The following OPCML variants were observed in gnomAD, a reference collection of about 807,000 sequenced individuals.
The protein encoded by OPCML is opioid binding protein/cell adhesion molecule like, also known as opioid-binding protein/cell adhesion molecule.
A neutral mutation model predicts 37.8 loss-of-function variants in OPCML; 13 were observed. The observed-to-expected ratio is 0.34, with a 90% CI of 0.22 to 0.55. The LOEUF (loss-of-function observed/expected upper bound fraction) is 0.55. Ranked by LOEUF, OPCML falls within the 20% of genes least tolerant of loss-of-function variation. OPCML has a pLI of 0.91. For missense variants in OPCML, 341 were observed against 435.6 expected (o/e 0.78, Z 1.93); for synonymous variants, 176 against 168.8 (o/e 1.04, Z -0.33).
At chr11:133,009,148 T>C in intron 1 of OPCML, 1 of 985,324 alleles carries the variant, frequency 1.0e-6, no homozygotes, top group Non-Finnish European at 1.2e-6. Context: ...TAGATTAGGA[T>C]TTATTTACTC....
At chr11:132,497,175 G>A (rs1236556720) in intron 4 of OPCML, among the ~76,000 whole-genome samples, 1 of 152,124 alleles carries the variant, frequency 6.6e-6, no homozygotes, top group Non-Finnish European at 1.5e-5. Context: ...TCACTTATAA[G>A]TGGGGGCTGA....
At chr11:133,164,431 A>C (rs7120475) in intron 1 of OPCML, among the ~76,000 whole-genome samples, 2,720 of 152,332 alleles carry the variant, frequency 0.018, 86 homozygotes, top group African/African-American at 0.062. Context: ...GCACCTTGTC[A>C]GTGCTTTGAA....
chr11:133,006,897 G>C (rs1591904449), intron 1 of OPCML: 2 of 985,454 alleles, frequency 2.0e-6, no homozygotes, highest in Non-Finnish European at 2.4e-6. Flanking sequence ...ACCTGTCATG[G>C]GGCCACCTAG....
chr11:133,115,417 G>C (rs906860406), intron 1 of OPCML, among the ~76,000 whole-genome samples: 14 of 152,172 alleles, frequency 9.2e-5, no homozygotes, highest in African/African-American at 3.4e-4. Context: ...GATCTCCCCG[G>C]AGTAGATTCA....
At chr11:132,627,775 G>A (rs1939836749) in intron 3 of OPCML, among the ~76,000 whole-genome samples, 1 of 152,148 alleles carries the variant, frequency 6.6e-6, no homozygotes, top group African/African-American at 2.4e-5. Flanking sequence ...TGCCCTCAGG[G>A]AGCATCCAAG....
At chr11:132,723,284 T>A (rs996895217) in intron 2 of OPCML, among the ~76,000 whole-genome samples, 1 of 152,254 alleles carries the variant, frequency 6.6e-6, no homozygotes, top group African/African-American at 2.4e-5. Flanking sequence ...TAAGCATTCA[T>A]ATGGTGTGTT....
At chr11:132,813,515 C>T (rs538649410) in intron 2 of OPCML, among the ~76,000 whole-genome samples, 14 of 152,280 alleles carry the variant, frequency 9.2e-5, no homozygotes, top group East Asian at 5.8e-4. Flanking sequence ...ATCAGCACCA[C>T]GGTGCCACAG....
chr11:132,648,495 C>G (rs1445156300), intron 3 of OPCML, among the ~76,000 whole-genome samples: 2 of 151,936 alleles, frequency 1.3e-5, no homozygotes, highest in African/African-American at 2.4e-5. Flanking sequence ...CAGATGACAG[C>G]CCCAGGCCCT....
At chr11:133,064,329 C>G (rs576781701) in intron 1 of OPCML, among the ~76,000 whole-genome samples, 1 of 152,344 alleles carries the variant, frequency 6.6e-6, no homozygotes, top group African/African-American at 2.4e-5. Context: ...CCCCTGGTAC[C>G]GCAACCCGCC....
chr11:133,157,594 C>G (rs1950080404), intron 1 of OPCML, among the ~76,000 whole-genome samples: 1 of 152,198 alleles, frequency 6.6e-6, no homozygotes, highest in African/African-American at 2.4e-5. Flanking sequence ...GCCACCCCAT[C>G]TCCTTGGTTA....
intron 1 of OPCML, chr11:133,531,998 C>T (rs1948616003): frequency 6.0e-6 from 1 of 166,446 alleles, no homozygotes; most frequent in Non-Finnish European, 1.2e-5. Flanking sequence ...ACAGCAGTGC[C>T]TCACAGCATG....
chr11:133,059,327 C>G (rs1190542548), intron 1 of OPCML, among the ~76,000 whole-genome samples: 1 of 152,204 alleles, frequency 6.6e-6, no homozygotes, highest in African/African-American at 2.4e-5. Flanking sequence ...CCACAAATCT[C>G]TAAGACTGCC....
rs946471996 is a variant in OPCML at position 133,206,610 on chromosome 11, C to CAA, written c.62-263602_62-263601dup. Among the ~76,000 whole-genome samples the CAA allele has an allele frequency of 5.9e-5, 9 of 152,108 alleles. No homozygotes were observed. The highest frequency in any genetic ancestry group is 2.2e-4 in the African/African-American group (9 of 41,402). The stretch of plus-strand genomic sequence containing the variant: ...TTGGAAAGCTGTTTATAGGCTGTTC[C>CAA]AAAAACCAAGCACCCAATGTCACCC... On this transcript the variant is annotated intron_variant, in intron 1 of 7. Transcript: ENST00000524381. This position sits in a 1 kb window ranked among gnomAD's most constrained non-coding sequence, Gnocchi z 4.7.
intron 1 of OPCML, among the ~76,000 whole-genome samples, chr11:133,489,810 G>A (rs1298652417): frequency 6.7e-6 from 1 of 150,292 alleles, no homozygotes; most frequent in Non-Finnish European, 1.5e-5. Flanking sequence ...GAGAAATGAG[G>A]AAAATGTGTG....
chr11:132,829,817 T>C (rs1239943397), intron 2 of OPCML, among the ~76,000 whole-genome samples: 2 of 152,226 alleles, frequency 1.3e-5, no homozygotes, highest in Non-Finnish European at 1.5e-5. Flanking sequence ...CAGACTCTAT[T>C]TTTCTCATGT....
At position 132,416,853 on chromosome 11, in the gene OPCML, G is replaced by A. The variant is rs891365816; in HGVS notation, c.*3340C>T. The stretch of plus-strand genomic sequence containing the variant: ...GAGAAAAACTAAACATGCTTGTTTA[G>A]ACTTGCAGTCGACTGTATCAGGCAC... On this transcript the variant is annotated 3_prime_UTR_variant, in exon 8 of 8. Transcript: ENST00000524381. The A allele has an allele frequency of 7.9e-5, 12 of 152,650 alleles. No homozygotes were observed. Among genetic ancestry groups the A allele is most frequent in the Middle Eastern group, 3.4e-3 (1 of 294 alleles). 9.5% of individuals were successfully genotyped at this position (152,650 alleles called of 1,614,324 possible). A position where few individuals can be genotyped will look rare whatever the true frequency, so the allele number is the denominator to read the frequency against.
At chr11:133,136,539 T>G (rs980902497) in intron 1 of OPCML, among the ~76,000 whole-genome samples, 4 of 151,992 alleles carry the variant, frequency 2.6e-5, no homozygotes, top group Admixed American at 2.6e-4. Context: ...AGCTGCTTCC[T>G]AATGGGCTGG....
At chr11:132,605,639 T>TC (rs1328175434) in intron 3 of OPCML, among the ~76,000 whole-genome samples, 1 of 151,974 alleles carries the variant, frequency 6.6e-6, no homozygotes, top group Admixed American at 6.5e-5. Flanking sequence ...TTGTTTTGGC[T>TC]CCCCCGGCCC....
At chr11:132,834,017 T>C (rs376562097) in intron 2 of OPCML, among the ~76,000 whole-genome samples, 111 of 152,344 alleles carry the variant, frequency 7.3e-4, no homozygotes, top group Non-Finnish European at 1.4e-3. Context: ...GCCCTTCTTA[T>C]AGACAATTTT....
Sources: gnomAD v4.1 joint callset for allele counts (sites outside exome capture counted in the v4.1 genomes callset) on GRCh38, gnomAD v4.1.1 for gene constraint, Gnocchi (gnomAD v3.1) non-coding constraint, MANE v1.5 for transcripts, NCBI Gene and HGNC (gene_info 2026-07-23, HGNC 2026-07-21) for gene names.